The following AP3B2 variants were observed in gnomAD, a reference collection of about 807,000 sequenced individuals.
AP3B2 encodes the protein adaptor related protein complex 3 subunit beta 2.
A neutral mutation model predicts 126.9 loss-of-function variants in AP3B2; 50 were observed. That is an observed-to-expected ratio of 0.39 (90% confidence interval 0.31 to 0.50). The LOEUF is 0.50. AP3B2 is among the 20% of genes least tolerant of loss of function. The pLI is 0.79. For missense variants in AP3B2, 1,177 were observed against 1,426.4 expected, an observed-to-expected ratio of 0.83 and a Z score of 2.82; for synonymous variants, 541 against 565.0, an observed-to-expected ratio of 0.96 and a Z score of 0.60.
chr15:82,692,212 G>T, intron 1 of AP3B2: 2 of 1,261,584 alleles, frequency 1.6e-6, no homozygotes, highest in Non-Finnish European at 2.2e-6. Context: ...TCCTCAAAGC[G>T]CACCAAGGCG....
Position 82,665,674 on chromosome 15 carries a change from TC to T in AP3B2, c.1853-100del. The T allele has an allele frequency of 3.4e-6, 3 of 888,064 alleles. No homozygotes were observed. The highest frequency in any genetic ancestry group is 1.5e-5 in the South Asian group (1 of 67,068). The allele number at this position is 888,064 out of a possible 1,614,324, so 55.0% of individuals were successfully genotyped here. On this transcript the variant is annotated intron_variant, in intron 15 of 26. Coordinates refer to ENST00000535359, the MANE Select transcript of AP3B2 (RefSeq NM_001278512.2). The surrounding 1 kb of genome is among the most constrained non-coding windows in gnomAD (Gnocchi z 4.4). ...CTGGGTGGTGATTCTGGTTGGGACT[TC>T]CCAGGTGGGTAGGGGAAGGAGATGG...
chr15:82,688,859 AC>A, intron 3 of AP3B2, 28 bp from the exon 4 acceptor site: 1 of 1,585,536 alleles, frequency 6.3e-7, no homozygotes, highest in Non-Finnish European at 8.6e-7. Context: ...TCTCAGCAGA[AC>A]GCTTCTCAGC....
intron 14 of AP3B2, among the ~76,000 whole-genome samples, chr15:82,667,939 AACC>A (rs2048087008): frequency 6.6e-6 from 1 of 152,092 alleles, no homozygotes; most frequent in Non-Finnish European, 1.5e-5. Context: ...CCAAGATCAA[AACC>A]ACCAAGTGGT....
intron 1 of AP3B2, among the ~76,000 whole-genome samples, chr15:82,707,807 TC>T (rs1180641759): frequency 6.6e-6 from 1 of 152,140 alleles, no homozygotes; most frequent in African/African-American, 2.4e-5. Flanking sequence ...AAATGTTTCT[TC>T]TAACAACCCC....
intron 1 of AP3B2, among the ~76,000 whole-genome samples, chr15:82,698,257 A>G (rs2048660841): frequency 6.6e-6 from 1 of 151,700 alleles, no homozygotes; most frequent in Non-Finnish European, 1.5e-5. Context: ...ACACTCCCCC[A>G]CATACAGACA....
chr15:82,694,219 G>C (rs1390722740), intron 1 of AP3B2, among the ~76,000 whole-genome samples: 1 of 151,520 alleles, frequency 6.6e-6, no homozygotes, highest in East Asian at 1.9e-4. Context: ...TGACCAGGCT[G>C]GTCTCAAACT....
At chr15:82,688,965 C>A in intron 3 of AP3B2, 134 bp from the exon 4 acceptor site, 1 of 1,003,934 alleles carries the variant, frequency 1.0e-6, no homozygotes, top group South Asian at 1.5e-5. Context: ...GAGAGCACCC[C>A]TGAGTGTATC....
intron 1 of AP3B2, chr15:82,699,509 T>C (rs1205681669): frequency 1.3e-5 from 5 of 398,280 alleles, no homozygotes; most frequent in Non-Finnish European, 2.2e-5. Context: ...GCCTGGACCC[T>C]AAATGCCAGC....
chr15:82,706,783 T>G (rs1041969203), intron 1 of AP3B2, among the ~76,000 whole-genome samples: 5 of 152,198 alleles, frequency 3.3e-5, no homozygotes, highest in African/African-American at 1.2e-4. Context: ...GCCTGCCTCT[T>G]AGAACCTCTC....
chr15:82,678,077 G>A (rs780347084), intron 11 of AP3B2, 28 bp downstream of exon 11: 5 of 1,611,142 alleles, frequency 3.1e-6, no homozygotes, highest in Non-Finnish European at 4.2e-6. Context: ...CCTCTCCCAG[G>A]CCCTTCTGGC....
intron 13 of AP3B2, 79 bp downstream of exon 13, chr15:82,677,195 C>G: frequency 8.2e-7 from 1 of 1,216,874 alleles, no homozygotes; most frequent in Non-Finnish European, 1.2e-6. Flanking sequence ...TTTGATAAGG[C>G]TAGCATATGT....
At chr15:82,705,562 C>A (rs1363834528) in intron 1 of AP3B2, among the ~76,000 whole-genome samples, 1 of 152,196 alleles carries the variant, frequency 6.6e-6, no homozygotes, top group Non-Finnish European at 1.5e-5. Flanking sequence ...TTCGCTTTCA[C>A]TTGGACTGTC....
At chr15:82,707,437 C>G (rs565768153) in intron 1 of AP3B2, among the ~76,000 whole-genome samples, 1 of 152,256 alleles carries the variant, frequency 6.6e-6, no homozygotes, top group East Asian at 1.9e-4. Flanking sequence ...GGACTGTGCC[C>G]CAGAAAACTT....
chr15:82,689,559 C>A (rs2151449656), intron 1 of AP3B2, 106 bp from the exon 2 acceptor site: 3 of 1,055,892 alleles, frequency 2.8e-6, no homozygotes, highest in South Asian at 1.4e-5. Flanking sequence ...GAGGCTCAGG[C>A]AGGACCTGAC....
chr15:82,699,885 C>T (rs2048691697), intron 1 of AP3B2: 1 of 399,640 alleles, frequency 2.5e-6, no homozygotes, highest in African/African-American at 2.1e-5. Context: ...TCAGGTTCTT[C>T]TCCAGGAATG....
rs61213011 is a variant in AP3B2 at position 82,683,047 on chromosome 15, G to GTTTTTTTTTT, written c.361-1477_361-1468dup. On this transcript the variant is annotated intron_variant, in intron 4 of 26. Coordinates refer to ENST00000535359, the MANE Select transcript of AP3B2 (RefSeq NM_001278512.2). ...AATGTTCACAGCATCTGCACCAGGA[G>GTTTTTTTTTT]TTTTTTTTTTTTTTTTTTTTTTTTT... Among the ~76,000 whole-genome samples, 175 of 77,724 alleles carry GTTTTTTTTTT rather than the reference G, an allele frequency of 2.3e-3. 26 individuals are homozygous for GTTTTTTTTTT. The highest frequency in any genetic ancestry group is 2.4e-3 in the African/African-American group (55 of 22,460). 51.0% of individuals were successfully genotyped at this position (77,724 alleles called of 152,430 possible).
Position 82,681,306 on chromosome 15 carries a change from C to T in AP3B2, c.521+114G>A, listed in dbSNP as rs1339469637. On this transcript the variant is annotated intron_variant, in intron 5 of 26. Transcript: ENST00000535359. This position sits in a 1 kb window ranked among gnomAD's most constrained non-coding sequence, Gnocchi z 4.0. ...CCTCCATCTCTGTCAGTCCCCCAAACTACCCTCCTCAAACCCTCTGAGAAG... is the reference window on the plus strand; with the variant it reads ...CCTCCATCTCTGTCAGTCCCCCAAATTACCCTCCTCAAACCCTCTGAGAAG... The T allele has an allele frequency of 1.3e-6, 2 of 1,534,450 alleles. No individual in the cohort carries two copies. The highest frequency in any genetic ancestry group is 8.9e-7 in the Non-Finnish European group (1 of 1,129,276).
In AP3B2 at chr15:82,677,724, C is replaced by T. The variant is rs1362293215; in HGVS notation, c.1325G>A (p.Arg442Gln). ...AIGRCATNIG[R>Q]VRDTCLNGLV... ...GCCATTGAGGCAGGTGTCACGGACT[C>T]GGCCGATGTTAGTTGCACAGCGTCC... The change falls in exon 12 of 27, where the codon CGA (arginine) becomes CAA (glutamine). Residue 442 changes from arginine to glutamine, a missense_variant. Transcript: ENST00000535359. 3.7e-6 allele frequency: 6 copies of T among 1,605,848 alleles called. No homozygotes were observed. Among genetic ancestry groups the T allele is most frequent in the South Asian group, 3.4e-5 (3 of 89,098 alleles).
intron 14 of AP3B2, 96 bp downstream of exon 14, chr15:82,676,365 G>T: frequency 7.7e-7 from 1 of 1,294,676 alleles, no homozygotes; most frequent in South Asian, 1.5e-5. Flanking sequence ...CAAAATAGGA[G>T]CTAGAGTTCA....
Sources: gnomAD v4.1 joint callset for allele counts (sites outside exome capture counted in the v4.1 genomes callset) on GRCh38, gnomAD v4.1.1 for gene constraint, Gnocchi (gnomAD v3.1) non-coding constraint, MANE v1.5 for transcripts, NCBI Gene and HGNC (gene_info 2026-07-23, HGNC 2026-07-21) for gene names.